The following PTPRT variants were observed in gnomAD, a reference collection of about 807,000 sequenced individuals.
The protein encoded by PTPRT is receptor-type tyrosine-protein phosphatase T.
In PTPRT, 56 loss-of-function variants were observed where a neutral mutation model predicts 176.8. The observed-to-expected ratio is 0.32, with a 90% CI of 0.26 to 0.40. The LOEUF (loss-of-function observed/expected upper bound fraction) is 0.40, where lower values mean the gene tolerates loss of function less well. PTPRT is among the 10% of genes least tolerant of loss of function. The pLI is 1.00. For synonymous variants in PTPRT, 783 were observed against 739.0 expected (o/e 1.06, Z -0.96); for missense variants, 1,540 against 1,908.2 (o/e 0.81, Z 3.60).
intron 1 of PTPRT, among the ~76,000 whole-genome samples, chr20:43,111,734 G>GA (rs534679692): frequency 6.6e-6 from 1 of 151,702 alleles, no homozygotes; most frequent in Non-Finnish European, 1.5e-5. Flanking sequence ...TGGAAAGGAA[G>GA]AAAAAAAATG....
At chr20:43,070,929 G>C (rs896904307) in intron 1 of PTPRT, among the ~76,000 whole-genome samples, 2 of 146,644 alleles carry the variant, frequency 1.4e-5, no homozygotes, top group African/African-American at 2.5e-5. Context: ...TAACAAACCT[G>C]CACATTGTGC....
chr20:42,756,861 G>C (rs1487476606), intron 5 of PTPRT, among the ~76,000 whole-genome samples: 2 of 152,018 alleles, frequency 1.3e-5, no homozygotes, highest in African/African-American at 4.8e-5. Flanking sequence ...GACCAGCCTA[G>C]GTAGCAAGCA....
At position 42,872,038 on chromosome 20, in the gene PTPRT, C is replaced by A. The variant is rs564513566; in HGVS notation, c.214+13769G>T. On this transcript the variant is annotated intron_variant, in intron 2 of 30. Transcript: ENST00000373187. ...TAGCTTTCACAAGTTGTTTCATTGA[C>A]TACAAGGCTTTGAATCCTGAGAAAG... Among the ~76,000 whole-genome samples, 4 of 152,256 alleles carry A rather than the reference C, an allele frequency of 2.6e-5. No individual in the cohort carries two copies. In the East Asian group the frequency reaches 7.7e-4, roughly 29 times the overall value.
rs376584604 is a variant in PTPRT, at chr20:43,159,439, T to A, written c.88+30207A>T. On this transcript the variant is annotated intron_variant, in intron 1 of 30. Coordinates refer to ENST00000373187, the MANE Select transcript of PTPRT (RefSeq NM_007050.6). ...CACCCAGCTTCTCTGAGCCTCAGTT[T>A]TCCATCTATAAAATGGCAGGCATCA... 2.4e-4 allele frequency among the ~76,000 whole-genome samples: 36 copies of A among 152,360 alleles called. 1 individual carries two copies. Among genetic ancestry groups the A allele is most frequent in the African/African-American group, 8.7e-4 (36 of 41,598 alleles).
Position 42,141,944 on chromosome 20 carries a change from T to C in PTPRT, c.2741A>G (p.Asn914Ser). 1 of 1,614,180 alleles carries C rather than the reference T, an allele frequency of 6.2e-7. No homozygotes were observed. Among genetic ancestry groups the C allele is most frequent in the Non-Finnish European group, 8.5e-7 (1 of 1,179,998 alleles). Reference protein sequence around the residue: ...WDTAKEDENRNKNRYGNIISY... With the variant: ...WDTAKEDENRSKNRYGNIISY... ...TATGATGTTCCCATATCGATTCTTA[T>C]TGCGGTTTTCATCCTCCTTGGCTGT... is the stretch of plus-strand genomic sequence containing the variant. The change falls in exon 18 of 31, where the codon AAT becomes AGT. Residue 914 changes from asparagine to serine, a missense_variant. By Grantham distance (46) the Asn-to-Ser change is conservative. Transcript: ENST00000373187.
intron 1 of PTPRT, among the ~76,000 whole-genome samples, chr20:43,065,714 A>G (rs969480064): frequency 3.9e-5 from 6 of 152,196 alleles, no homozygotes; most frequent in Admixed American, 3.9e-4. Flanking sequence ...AAGTTATCTG[A>G]AAGGAGAGGC....
chr20:42,563,076 T>C (rs2072979343), intron 7 of PTPRT, among the ~76,000 whole-genome samples: 1 of 152,110 alleles, frequency 6.6e-6, no homozygotes, highest in Non-Finnish European at 1.5e-5. Context: ...AACATCTCTA[T>C]ATAAAAAGAG....
At chr20:43,176,512 T>C (rs185197062) in intron 1 of PTPRT, among the ~76,000 whole-genome samples, 4 of 152,356 alleles carry the variant, frequency 2.6e-5, no homozygotes, top group Admixed American at 2.6e-4. Flanking sequence ...TCTTAAAGTA[T>C]GTTCTCCTTT....
chr20:42,892,819 A>G (rs1350499225), intron 1 of PTPRT, among the ~76,000 whole-genome samples: 3 of 152,334 alleles, frequency 2.0e-5, no homozygotes, highest in Middle Eastern at 3.4e-3. Flanking sequence ...ACATGCCACA[A>G]GGGTCTCTTT....
At chr20:42,592,984 T>G (rs919182639) in intron 7 of PTPRT, among the ~76,000 whole-genome samples, 2 of 152,204 alleles carry the variant, frequency 1.3e-5, no homozygotes, top group African/African-American at 4.8e-5. Context: ...TATGAAAAAC[T>G]CAGCCATTGG....
intron 1 of PTPRT, among the ~76,000 whole-genome samples, chr20:43,147,080 G>C (rs1471737500): frequency 6.6e-6 from 1 of 152,080 alleles, no homozygotes; most frequent in Non-Finnish European, 1.5e-5. Flanking sequence ...TGGGACCTCA[G>C]CCAAGCATGT....
chr20:42,038,824 C>A, the PTPRT span, among the ~76,000 whole-genome samples: 5 of 151,754 alleles, frequency 3.3e-5, no homozygotes, highest in Middle Eastern at 3.2e-3. Flanking sequence ...GGAGGGGAAC[C>A]AGACCTTGTG....
At chr20:42,344,467 C>T (rs1568793250) in intron 11 of PTPRT, among the ~76,000 whole-genome samples, 1 of 152,120 alleles carries the variant, frequency 6.6e-6, no homozygotes, top group Non-Finnish European at 1.5e-5. Context: ...TGAGGAGCTC[C>T]GTATGGGACC....
rs145570531 is a variant in PTPRT at position 42,727,344 on chromosome 20, A to G, written c.859+29118T>C. 9.3e-4 allele frequency among the ~76,000 whole-genome samples: 142 copies of G among 152,358 alleles called. 3 individuals are homozygous for G. The East Asian group carries it at 0.026, about 28-fold the overall frequency. Reference sequence around the variant, plus strand: ...TGTAAAATGGGTCACTGTGAGGCCAAATAAGATCACAGTTGGAACACACCA... The same window carrying G: ...TGTAAAATGGGTCACTGTGAGGCCAGATAAGATCACAGTTGGAACACACCA... On this transcript the variant is annotated intron_variant, in intron 6 of 30. Transcript: ENST00000373187.
At chr20:42,976,255 A>G (rs1203248570) in intron 1 of PTPRT, among the ~76,000 whole-genome samples, 1 of 152,156 alleles carries the variant, frequency 6.6e-6, no homozygotes, top group Non-Finnish European at 1.5e-5. Flanking sequence ...ATCATCAGGA[A>G]AGACCTGCAC....
intron 8 of PTPRT, among the ~76,000 whole-genome samples, chr20:42,458,523 G>C (rs2070962449): frequency 6.6e-6 from 1 of 152,072 alleles, no homozygotes; most frequent in Non-Finnish European, 1.5e-5. Context: ...TAGGTGTCTG[G>C]CACAAAGTAA....
intron 8 of PTPRT, among the ~76,000 whole-genome samples, chr20:42,457,969 T>A (rs917238483): frequency 2.0e-5 from 3 of 152,092 alleles, no homozygotes; most frequent in African/African-American, 7.2e-5. Flanking sequence ...CTTTCCCCAC[T>A]CCCATCCACC....
chr20:42,390,452 G>A (rs1337325640), intron 9 of PTPRT, among the ~76,000 whole-genome samples: 1 of 152,188 alleles, frequency 6.6e-6, no homozygotes. Context: ...CAACGTAAAT[G>A]TCAGTGGTAG....
chr20:42,938,553 AC>A (rs1297956853), intron 1 of PTPRT, among the ~76,000 whole-genome samples: 1 of 152,186 alleles, frequency 6.6e-6, no homozygotes, highest in Non-Finnish European at 1.5e-5. Flanking sequence ...TTTGGCAAGG[AC>A]AGTTAAGTTC....
Sources: allele counts gnomAD v4.1 joint callset (sites outside exome capture counted in the v4.1 genomes callset), GRCh38; gene constraint gnomAD v4.1.1; transcripts MANE v1.5; gene names NCBI Gene and HGNC (gene_info 2026-07-23, HGNC 2026-07-21).